The following DTNBP1 variants were observed in gnomAD, a reference collection of about 807,000 sequenced individuals.
DTNBP1 encodes dysbindin.
DTNBP1 carries 35 observed loss-of-function variants against 42.8 expected under a neutral mutation model. The ratio of observed to expected loss-of-function variants is 0.82; its 90% CI spans 0.63 to 1.09. The LOEUF is 1.09. Among genes scored for constraint, DTNBP1 ranks in the 50% least tolerant of loss-of-function variants. DTNBP1 has a pLI of 0.00. For synonymous variants in DTNBP1, 171 were observed against 162.2 expected, an observed-to-expected ratio of 1.05 and a Z score of -0.41; for missense variants, 457 against 424.2, an observed-to-expected ratio of 1.08 and a Z score of -0.68.
chr6:15,625,754 T>A (rs1270601386), intron 5 of DTNBP1, among the ~76,000 whole-genome samples: 3 of 152,128 alleles, frequency 2.0e-5, no homozygotes, highest in Non-Finnish European at 4.4e-5. Context: ...GAGGTTATCA[T>A]AAGAGAACAT....
chr6:15,597,097 GTTAGGAATAGCA>G (rs1776545173), intron 6 of DTNBP1, among the ~76,000 whole-genome samples: 1 of 152,146 alleles, frequency 6.6e-6, no homozygotes, highest in African/African-American at 2.4e-5. Context: ...CTATGATAAT[GTTAGGAATAGCA>G]TTAGGAATAA....
At chr6:15,532,864 T>C (rs1772958207) in intron 8 of DTNBP1, among the ~76,000 whole-genome samples, 1 of 151,930 alleles carries the variant, frequency 6.6e-6, no homozygotes, top group Non-Finnish European at 1.5e-5. Context: ...CACGGCCGGC[T>C]AATTTTTGTA....
At chr6:15,576,728 C>T (rs2113551724) in intron 7 of DTNBP1, among the ~76,000 whole-genome samples, 1 of 149,076 alleles carries the variant, frequency 6.7e-6, no homozygotes, top group African/African-American at 2.5e-5. Flanking sequence ...GAGATCACAC[C>T]ACTGCACTCC....
chr6:15,566,701 CTTTTTTTTTTT>C (rs368168358), intron 7 of DTNBP1, among the ~76,000 whole-genome samples: 2 of 132,978 alleles, frequency 1.5e-5, no homozygotes, highest in South Asian at 2.4e-4. Context: ...AATGAATCTC[CTTTTTTTTTTT>C]TTTTTTTTGA....
At chr6:15,550,788 T>C (rs564072950) in intron 7 of DTNBP1, among the ~76,000 whole-genome samples, 1 of 152,296 alleles carries the variant, frequency 6.6e-6, no homozygotes, top group East Asian at 1.9e-4. Context: ...AGAGGCAGAT[T>C]CTGCCCCTCC....
rs145918764 is a variant in DTNBP1, at chr6:15,653,865, A to C, written c.57-1725T>G. Reference sequence around the variant, plus strand: ...AGACACTTTACTGCCATCAGCCAGAAACTGTCCTAATACACAAGTTGACTC... The same window carrying C: ...AGACACTTTACTGCCATCAGCCAGACACTGTCCTAATACACAAGTTGACTC... On this transcript the variant is annotated intron_variant, in intron 1 of 9. Transcript: ENST00000344537. Among the ~76,000 whole-genome samples, 7 of 152,242 alleles carry C rather than the reference A, an allele frequency of 4.6e-5. No homozygotes were observed. In the East Asian group the frequency reaches 1.4e-3, roughly 29 times the overall value.
At chr6:15,592,215 G>A (rs1484625490) in intron 7 of DTNBP1, among the ~76,000 whole-genome samples, 1 of 151,990 alleles carries the variant, frequency 6.6e-6, no homozygotes, top group African/African-American at 2.4e-5. Flanking sequence ...TTAACCATTC[G>A]GTAAATCTAA....
intron 6 of DTNBP1, among the ~76,000 whole-genome samples, chr6:15,606,674 T>A (rs1185758305): frequency 1.3e-5 from 2 of 152,194 alleles, no homozygotes; most frequent in Non-Finnish European, 2.9e-5. Context: ...CTGGCCCGGA[T>A]TTTTGGGAAA....
intron 7 of DTNBP1, chr6:15,579,807 C>CAAAAAAAG (rs760758888): frequency 2.0e-5 from 9 of 449,804 alleles, no homozygotes; most frequent in South Asian, 1.4e-4. Context: ...GACTCCCTCT[C>CAAAAAAAG]AAAAAAAGAA....
intron 7 of DTNBP1, among the ~76,000 whole-genome samples, chr6:15,578,003 G>A (rs1174784995): frequency 6.6e-6 from 1 of 152,226 alleles, no homozygotes; most frequent in African/African-American, 2.4e-5. Flanking sequence ...GAATAGTGAA[G>A]TATGTGGACA....
At chr6:15,629,935 G>A (rs1176917296) in intron 4 of DTNBP1, among the ~76,000 whole-genome samples, 3 of 152,086 alleles carry the variant, frequency 2.0e-5, no homozygotes, top group African/African-American at 7.2e-5. Flanking sequence ...AAACTGTACT[G>A]TTACCTATTC....
intron 7 of DTNBP1, among the ~76,000 whole-genome samples, chr6:15,538,458 G>A (rs554423486): frequency 1.3e-3 from 203 of 152,260 alleles, no homozygotes; most frequent in African/African-American, 4.7e-3. Context: ...AGAAAACAAC[G>A]CAGCTCTGCG....
chr6:15,637,677 T>A (rs1296909595), intron 4 of DTNBP1, 67 bp downstream of exon 4: 17 of 1,519,742 alleles, frequency 1.1e-5, no homozygotes, highest in South Asian at 7.9e-5. Flanking sequence ...ATTCAATTTT[T>A]AAAAAATACC....
chr6:15,629,537 A>G (rs1759564969), intron 4 of DTNBP1, among the ~76,000 whole-genome samples: 1 of 149,044 alleles, frequency 6.7e-6, no homozygotes, highest in Non-Finnish European at 1.5e-5. Flanking sequence ...ACTATATCAG[A>G]AAACACTAAA....
At chr6:15,559,725 C>T (rs1444256917) in intron 7 of DTNBP1, among the ~76,000 whole-genome samples, 2 of 152,164 alleles carry the variant, frequency 1.3e-5, no homozygotes, top group East Asian at 3.8e-4. Context: ...AATTCTTCTC[C>T]ATGACAACGC....
intron 4 of DTNBP1, among the ~76,000 whole-genome samples, chr6:15,635,221 C>T (rs548953787): frequency 7.2e-5 from 11 of 152,166 alleles, no homozygotes; most frequent in South Asian, 2.1e-4. Flanking sequence ...CAGGTTCAAG[C>T]GATTCTCCTG....
intron 8 of DTNBP1, among the ~76,000 whole-genome samples, chr6:15,530,985 G>C (rs764226909): frequency 1.9e-4 from 29 of 152,148 alleles, no homozygotes; most frequent in Admixed American, 2.6e-4. Flanking sequence ...GGGCCTTTGG[G>C]AGGTAATTAA....
At chr6:15,536,484 G>A (rs1220484941) in intron 7 of DTNBP1, among the ~76,000 whole-genome samples, 2 of 152,348 alleles carry the variant, frequency 1.3e-5, no homozygotes, top group South Asian at 2.1e-4. Context: ...TGCTTCAGAG[G>A]GTGCAAGCCA....
intron 5 of DTNBP1, among the ~76,000 whole-genome samples, chr6:15,616,290 A>G (rs1354320479): frequency 6.6e-6 from 1 of 152,214 alleles, no homozygotes; most frequent in Admixed American, 6.5e-5. Context: ...AGATTTGAGA[A>G]CTCAGAGCCT....
Sources: allele counts gnomAD v4.1 joint callset (sites outside exome capture counted in the v4.1 genomes callset), GRCh38; gene constraint gnomAD v4.1.1; transcripts MANE v1.5; gene names NCBI Gene and HGNC (gene_info 2026-07-23, HGNC 2026-07-21).